The following APOLD1 variants were observed in gnomAD, a reference collection of about 807,000 sequenced individuals.
APOLD1 encodes the protein apolipoprotein L domain-containing protein 1.
Under a neutral mutation model 15.3 loss-of-function variants are expected in APOLD1, and 22 were observed. The ratio of observed to expected loss-of-function variants is 1.44; its 90% CI spans 1.03 to 2.05. The LOEUF is 2.05. Ranked by LOEUF, APOLD1 falls within the 30% of genes most tolerant of loss-of-function variation. The pLI is 0.00. For synonymous variants in APOLD1, 190 were observed against 167.4 expected, an observed-to-expected ratio of 1.13 and a Z score of -1.04; for missense variants, 394 against 353.5, an observed-to-expected ratio of 1.11 and a Z score of -0.92.
At chr12:12,760,493 G>T (rs183347219) in intron 1 of APOLD1, among the ~76,000 whole-genome samples, 11 of 151,898 alleles carry the variant, frequency 7.2e-5, no homozygotes, top group Admixed American at 2.6e-4. Context: ...CAAAAAATTA[G>T]CCGGGCGTGG....
intron 1 of APOLD1, chr12:12,771,516 A>T: frequency 7.9e-6 from 4 of 508,844 alleles, no homozygotes; most frequent in Non-Finnish European, 1.2e-5. Context: ...GATGTTAATT[A>T]TCTCATTTTG....
rs771172591 is a variant in APOLD1, at chr12:12,787,493, G to A, written c.588G>A (p.Lys196=). The A allele has an allele frequency of 1.1e-5, 18 of 1,614,048 alleles. No homozygotes were observed. The East Asian group carries it at 3.8e-4, about 34-fold the overall frequency. Residue 196 remains lysine, a synonymous_variant, in exon 2 of 2, where the codon AAG becomes AAA. Coordinates refer to ENST00000356591, the MANE Select transcript of APOLD1 (RefSeq NM_030817.3). This position sits in a 1 kb window ranked among gnomAD's most constrained non-coding sequence, Gnocchi z 4.9. Reference sequence around the variant, plus strand: ...CCAAGGTTAGCCAGGCCGTGCTGAAGGCCAAGATTCAGAAACTGGCCGAGA... The same window carrying A: ...CCAAGGTTAGCCAGGCCGTGCTGAAAGCCAAGATTCAGAAACTGGCCGAGA... ...GDTKVSQAVL[K]AKIQKLAESL... is the part of the protein sequence containing the mutation.
chr12:12,727,179 G>T (rs574554467), intron 1 of APOLD1, among the ~76,000 whole-genome samples: 1 of 152,226 alleles, frequency 6.6e-6, no homozygotes, highest in African/African-American at 2.4e-5. Flanking sequence ...CTATTTGAGC[G>T]CTTGAATGTG....
intron 1 of APOLD1, among the ~76,000 whole-genome samples, chr12:12,770,970 GA>G (rs570219074): frequency 6.6e-6 from 1 of 152,026 alleles, no homozygotes; most frequent in Non-Finnish European, 1.5e-5. Flanking sequence ...TGTGTTGAGA[GA>G]AAAAAATCCC....
At chr12:12,751,959 C>T (rs190171346) in intron 1 of APOLD1, among the ~76,000 whole-genome samples, 153 of 152,224 alleles carry the variant, frequency 1.0e-3, no homozygotes, top group Middle Eastern at 3.4e-3. Flanking sequence ...GAATACAGTC[C>T]AGTAGAAACT....
chr12:12,776,309 G>A (rs954692479), intron 1 of APOLD1, among the ~76,000 whole-genome samples: 10 of 152,186 alleles, frequency 6.6e-5, no homozygotes, highest in African/African-American at 2.2e-4. Flanking sequence ...AAACAAGCAG[G>A]TGTTATAATC....
chr12:12,734,776 T>C (rs1457223098), intron 1 of APOLD1, among the ~76,000 whole-genome samples: 1 of 152,240 alleles, frequency 6.6e-6, no homozygotes, highest in East Asian at 1.9e-4. Context: ...TAATGGTTGC[T>C]TAGTAGTGCC....
At position 12,790,634 on chromosome 12, in the gene APOLD1, T is replaced by C. The variant is rs1947177968; in HGVS notation, c.*2982T>C. The C allele has an allele frequency of 6.6e-6, 1 of 152,064 alleles. No homozygotes were observed. Among genetic ancestry groups the C allele is most frequent in the South Asian group, 2.1e-4 (1 of 4,826 alleles). The allele number at this position is 152,064 out of a possible 1,614,324, so 9.4% of individuals were successfully genotyped here. A position where few individuals can be genotyped will look rare whatever the true frequency, so the allele number is the denominator to read the frequency against. ...GGCCCACTTTATTTCTAAGGAAGAGTGTCTACTTTGGAACGATACTTTGCA... is the reference window on the plus strand; with the variant it reads ...GGCCCACTTTATTTCTAAGGAAGAGCGTCTACTTTGGAACGATACTTTGCA... On this transcript the variant is annotated 3_prime_UTR_variant, in exon 2 of 2. Transcript: ENST00000356591.
At chr12:12,764,766 TC>T in intron 1 of APOLD1, 1 of 454,560 alleles carries the variant, frequency 2.2e-6, no homozygotes. Context: ...ATGGTGTTCT[TC>T]CCCAGGTGGA....
At chr12:12,777,991 T>C (rs916188160) in intron 1 of APOLD1, among the ~76,000 whole-genome samples, 3 of 148,174 alleles carry the variant, frequency 2.0e-5, no homozygotes, top group Non-Finnish European at 3.0e-5. Flanking sequence ...TGGTGCAGTC[T>C]CGGCTCACTG....
At position 12,776,016 on chromosome 12, in the gene APOLD1, A is replaced by C. The variant is rs1394512120; in HGVS notation, c.97-10893A>C. On this transcript the variant is annotated intron_variant, in intron 1 of 1. Transcript: ENST00000326765. ...GAGACCCAGTCTCAAAAAAAAAAAA[A>C]AAAAAAAAAACACAACAAACAAACA... Among the ~76,000 whole-genome samples, 18 of 150,850 alleles carry C rather than the reference A, an allele frequency of 1.2e-4. 1 individual carries two copies. Among genetic ancestry groups the C allele is most frequent in the African/African-American group, 4.4e-4 (18 of 41,292 alleles).
chr12:12,739,244 G>A (rs1431022514), intron 1 of APOLD1, among the ~76,000 whole-genome samples: 1 of 152,184 alleles, frequency 6.6e-6, no homozygotes, highest in Admixed American at 6.5e-5. Flanking sequence ...TTTTTACCGT[G>A]GTTATTTAAA....
rs561770364 is a variant in APOLD1 at position 12,773,578 on chromosome 12, G to A, written c.97-13331G>A. Among the ~76,000 whole-genome samples the A allele has an allele frequency of 3.2e-4, 48 of 151,884 alleles. No homozygotes were observed. In the East Asian group the frequency reaches 4.4e-3, roughly 14 times the overall value. On this transcript the variant is annotated intron_variant, in intron 1 of 1. Coordinates refer to the APOLD1 transcript ENST00000326765. ...CTGTTAAATAAATAAATGAAAAGTA[G>A]GAGAAAAGATTATAAAAATCAGAGG... is the stretch of plus-strand genomic sequence containing the variant.
chr12:12,766,793 G>A (rs1946946161), intron 1 of APOLD1, among the ~76,000 whole-genome samples: 1 of 152,008 alleles, frequency 6.6e-6, no homozygotes, highest in Non-Finnish European at 1.5e-5. Context: ...AGGTTGCAGT[G>A]AGCCAAGAGC....
intron 1 of APOLD1, among the ~76,000 whole-genome samples, chr12:12,746,093 A>G (rs1242818100): frequency 6.6e-6 from 1 of 152,148 alleles, no homozygotes; most frequent in Non-Finnish European, 1.5e-5. Context: ...TGGCTATTTC[A>G]TCCGAGTCTG....
chr12:12,734,498 T>A (rs965674648), intron 1 of APOLD1, among the ~76,000 whole-genome samples: 2 of 152,234 alleles, frequency 1.3e-5, no homozygotes, highest in East Asian at 3.8e-4. Context: ...ATGAGAATAT[T>A]CTAATTCTTG....
chr12:12,727,142 T>C (rs1946599929), intron 1 of APOLD1, among the ~76,000 whole-genome samples: 1 of 152,234 alleles, frequency 6.6e-6, no homozygotes, highest in African/African-American at 2.4e-5. Flanking sequence ...CTTTCCTTGC[T>C]CATTAGCATC....
chr12:12,760,241 A>G (rs1410765183), intron 1 of APOLD1, among the ~76,000 whole-genome samples: 1 of 152,074 alleles, frequency 6.6e-6, no homozygotes, highest in East Asian at 1.9e-4. Flanking sequence ...TGGGAGGATC[A>G]CTTGAGCCTG....
At chr12:12,736,367 AAAC>A (rs200290348) in intron 1 of APOLD1, among the ~76,000 whole-genome samples, 6 of 102,112 alleles carry the variant, frequency 5.9e-5, no homozygotes, top group Admixed American at 1.1e-4. Context: ...AAACAAAACA[AAAC>A]AAAAAAACTA....
Sources: allele counts gnomAD v4.1 joint callset (sites outside exome capture counted in the v4.1 genomes callset), GRCh38; gene constraint gnomAD v4.1.1; non-coding constraint Gnocchi (gnomAD v3.1); transcripts MANE v1.5; gene names NCBI Gene and HGNC (gene_info 2026-07-23, HGNC 2026-07-21).